The following PRKCQ variants were observed in gnomAD, a reference collection of about 807,000 sequenced individuals.
PRKCQ encodes protein kinase C theta type.
PRKCQ carries 41 observed loss-of-function variants against 91.2 expected under a neutral mutation model. The observed-to-expected ratio is 0.45, with a 90% CI of 0.35 to 0.58. The LOEUF (loss-of-function observed/expected upper bound fraction) is 0.58. Ranked by LOEUF, PRKCQ falls within the 20% of genes least tolerant of loss-of-function variation. The pLI is 0.00. For synonymous variants in PRKCQ, 307 were observed against 316.9 expected (o/e 0.97, Z 0.33); for missense variants, 673 against 896.5 (o/e 0.75, Z 3.18).
At chr10:6,542,170 C>T (rs889243963) in intron 1 of PRKCQ, among the ~76,000 whole-genome samples, 8 of 152,224 alleles carry the variant, frequency 5.3e-5, no homozygotes, top group Admixed American at 3.9e-4. Flanking sequence ...CATGGGGAAA[C>T]TGCTTACCCT....
chr10:6,488,680 G>A (rs540595255), intron 8 of PRKCQ, among the ~76,000 whole-genome samples: 26 of 152,200 alleles, frequency 1.7e-4, no homozygotes, highest in Admixed American at 1.0e-3. Context: ...CACCGCGCCC[G>A]GTCAACTATT....
chr10:6,436,811 C>A (rs202077952), intron 16 of PRKCQ, among the ~76,000 whole-genome samples: 1 of 149,212 alleles, frequency 6.7e-6, no homozygotes, highest in Non-Finnish European at 1.5e-5. Flanking sequence ...GGAAGGAACC[C>A]TTTCTTCCCA....
chr10:6,462,878 G>A (rs559752183), intron 13 of PRKCQ, among the ~76,000 whole-genome samples: 6 of 152,022 alleles, frequency 3.9e-5, no homozygotes, highest in South Asian at 4.2e-4. Flanking sequence ...GGTGTTGGGC[G>A]CCTGTAGCCC....
chr10:6,419,348 C>T, the PRKCQ span, among the ~76,000 whole-genome samples: 28 of 152,116 alleles, frequency 1.8e-4, no homozygotes, highest in South Asian at 4.1e-3. Flanking sequence ...TTCTCCTTAC[C>T]GTATCTTAAG....
chr10:6,450,610 C>T (rs1834610493), intron 15 of PRKCQ, among the ~76,000 whole-genome samples: 1 of 152,172 alleles, frequency 6.6e-6, no homozygotes, highest in South Asian at 2.1e-4. Flanking sequence ...TTCTCCACCC[C>T]AAAGCAACAG....
At chr10:6,475,350 C>T (rs1229006803) in intron 12 of PRKCQ, among the ~76,000 whole-genome samples, 1 of 152,192 alleles carries the variant, frequency 6.6e-6, no homozygotes, top group East Asian at 1.9e-4. Context: ...CAGAGCTGGG[C>T]TTGAACTTCG....
chr10:6,556,346 T>A (rs867052955), intron 1 of PRKCQ, among the ~76,000 whole-genome samples: 1 of 147,232 alleles, frequency 6.8e-6, no homozygotes, highest in African/African-American at 2.5e-5. Context: ...GTGGGAGGAA[T>A]GTTTGAGCCC....
At chr10:6,544,587 C>CCT (rs947414941) in intron 1 of PRKCQ, among the ~76,000 whole-genome samples, 3 of 151,884 alleles carry the variant, frequency 2.0e-5, no homozygotes, top group Non-Finnish European at 2.9e-5. Context: ...TGTTTAACCT[C>CCT]CTCTCTCGCC....
intron 12 of PRKCQ, among the ~76,000 whole-genome samples, chr10:6,477,993 T>C (rs527483379): frequency 6.6e-6 from 1 of 152,278 alleles, no homozygotes; most frequent in South Asian, 2.1e-4. Context: ...GTGCGGGTGG[T>C]GGACAGCCGG....
intron 15 of PRKCQ, among the ~76,000 whole-genome samples, chr10:6,444,057 A>G (rs1834107145): frequency 6.6e-6 from 1 of 152,054 alleles, no homozygotes; most frequent in Admixed American, 6.6e-5. Context: ...CAACTATACA[A>G]TACACTTTAT....
downstream of PRKCQ, among the ~76,000 whole-genome samples, chr10:6,425,620 C>T (rs1182184358): frequency 1.3e-5 from 2 of 151,950 alleles, no homozygotes; most frequent in Non-Finnish European, 2.9e-5. Context: ...CTCAGAAATA[C>T]GAAGCAAATA....
chr10:6,457,142 T>C (rs1564313989), intron 14 of PRKCQ, among the ~76,000 whole-genome samples: 1 of 152,222 alleles, frequency 6.6e-6, no homozygotes, highest in Non-Finnish European at 1.5e-5. Context: ...ATATACTTAC[T>C]GTATGCCATT....
the PRKCQ span, among the ~76,000 whole-genome samples, chr10:6,405,408 G>A: frequency 1.7e-4 from 26 of 152,248 alleles, no homozygotes; most frequent in African/African-American, 5.1e-4. Flanking sequence ...CTTGACTTTC[G>A]TGAACTCTCT....
At chr10:6,445,124 A>ATC (rs1162436524) in intron 15 of PRKCQ, among the ~76,000 whole-genome samples, 36 of 58,948 alleles carry the variant, frequency 6.1e-4, no homozygotes, top group Middle Eastern at 0.019. Context: ...ACTCTGTCAA[A>ATC]AAAAAAAAAA....
chr10:6,485,453 T>G (rs146492545), intron 9 of PRKCQ, among the ~76,000 whole-genome samples, 184 bp from the exon 10 acceptor site: 1 of 152,364 alleles, frequency 6.6e-6, no homozygotes, highest in Non-Finnish European at 1.5e-5. Flanking sequence ...CTGTATTTTA[T>G]GCATTAGCCG....
chr10:6,508,399 T>C (rs1237442566), intron 3 of PRKCQ, among the ~76,000 whole-genome samples: 1 of 152,202 alleles, frequency 6.6e-6, no homozygotes, highest in African/African-American at 2.4e-5. Context: ...GAACTCAGGA[T>C]TGAATCTGAA....
At chr10:6,511,937 T>C (rs1401088891) in intron 2 of PRKCQ, among the ~76,000 whole-genome samples, 3 of 152,234 alleles carry the variant, frequency 2.0e-5, no homozygotes, top group Non-Finnish European at 4.4e-5. Flanking sequence ...AGTTAGTTGC[T>C]TCACTCTGGG....
intron 16 of PRKCQ, among the ~76,000 whole-genome samples, chr10:6,439,831 A>G (rs990538073): frequency 1.3e-5 from 2 of 152,180 alleles, no homozygotes; most frequent in African/African-American, 4.8e-5. Flanking sequence ...GGGACTCAAA[A>G]GCTATATGCA....
At chr10:6,470,938 A>G (rs963732636) in intron 12 of PRKCQ, among the ~76,000 whole-genome samples, 1 of 152,124 alleles carries the variant, frequency 6.6e-6, no homozygotes, top group Admixed American at 6.5e-5. Flanking sequence ...AAAAAAAAAA[A>G]AAATCAAGGC....
Sources: allele counts gnomAD v4.1 joint callset (sites outside exome capture counted in the v4.1 genomes callset), GRCh38; gene constraint gnomAD v4.1.1; transcripts MANE v1.5; gene names NCBI Gene and HGNC (gene_info 2026-07-23, HGNC 2026-07-21).